GAA: variants seen among roughly 807,000 people sequenced by gnomAD.
GAA encodes the protein lysosomal alpha-glucosidase.
Under a neutral mutation model 103.9 loss-of-function variants are expected in GAA, and 88 were observed. The observed-to-expected ratio is 0.85, with a 90% CI of 0.71 to 1.01. The LOEUF is 1.01. GAA is among the 50% of genes least tolerant of loss of function. The pLI is 0.00. For synonymous variants in GAA, 572 were observed against 563.1 expected (o/e 1.02, Z -0.22); for missense variants, 1,350 against 1,305.3 (o/e 1.03, Z -0.53).
chr17:80,112,591 G>C lies in GAA; in HGVS notation c.1768G>C (p.Ala590Pro). 6.2e-7 allele frequency: 1 copy of C among 1,612,928 alleles called. No homozygotes were observed. Among genetic ancestry groups the C allele is most frequent in the Non-Finnish European group, 8.5e-7 (1 of 1,179,942 alleles). ...CCACCACCCCAGGGCGCTGGTGAAG[G>C]CTCGGGGGACACGCCCATTTGTGAT... is the stretch of plus-strand genomic sequence containing the variant. Reference protein sequence around the residue: ...AIASHRALVKARGTRPFVISR... With the variant: ...AIASHRALVKPRGTRPFVISR... The change falls in exon 13 of 20, where the codon GCT becomes CCT. Residue 590 changes from alanine to proline, a missense_variant. Ala to Pro is a conservative substitution (Grantham distance 27, BLOSUM62 -1). Transcript: ENST00000302262.
In GAA at chr17:80,110,928, G is replaced by A. The variant is rs111261964; in HGVS notation, c.1552-13G>A. The A allele has an allele frequency of 4.3e-3, 6,881 of 1,613,868 alleles. 20 individuals are homozygous for A. Among genetic ancestry groups the A allele is most frequent in the Non-Finnish European group, 5.3e-3 (6,215 of 1,179,918 alleles). ...CTGGGCAGAGTCACCTACCAGCAGC[G>A]CTTCTCTTGCAGGACATGAACGAGC... is the stretch of plus-strand genomic sequence containing the variant. On this transcript the variant is annotated splice_polypyrimidine_tract_variant and intron_variant, in intron 10 of 19. Transcript: ENST00000302262.
rs143659827 is a variant in GAA, at chr17:80,117,546, C to T, written c.2332-54C>T. The T allele has an allele frequency of 3.4e-4, 543 of 1,604,070 alleles. 2 individuals carry two copies. In the African/African-American group the frequency reaches 6.5e-3, roughly 19 times the overall value. ...AGATGGAGAGCGTGGTTCCTGAGGACAGCATGGGGGCCTCGGCACGGCCCA... is the reference window on the plus strand; with the variant it reads ...AGATGGAGAGCGTGGTTCCTGAGGATAGCATGGGGGCCTCGGCACGGCCCA... On this transcript the variant is annotated intron_variant, in intron 16 of 19. Transcript: ENST00000302262.
At chr17:80,112,418 G>A in intron 12 of GAA, 160 bp from the exon 13 acceptor site, 1 of 919,158 alleles carries the variant, frequency 1.1e-6, no homozygotes, top group Non-Finnish European at 1.7e-6. Flanking sequence ...CCAGACAGAG[G>A]CAACTGTGCC....
In GAA at chr17:80,105,900, T is replaced by A; in HGVS notation, c.692+6T>A. ...CAGCTGGACGGCCGCGTGCTGTGAG[T>A]TCTGGGCTCTGTGCCAGCATGATGG... On this transcript the variant is annotated splice_donor_region_variant and intron_variant, in intron 3 of 19. Transcript: ENST00000302262. The A allele has an allele frequency of 2.5e-6, 4 of 1,589,610 alleles. No individual in the cohort carries two copies. The highest frequency in any genetic ancestry group is 3.4e-6 in the Non-Finnish European group (4 of 1,170,994).
chr17:80,108,037 T>C (rs2039136820), intron 5 of GAA, 141 bp downstream of exon 5: 2 of 1,025,930 alleles, frequency 1.9e-6, no homozygotes, highest in Non-Finnish European at 2.9e-6. Flanking sequence ...GGCTGATGCC[T>C]CTCCCAACTC....
rs528106447 is a variant in GAA at position 80,104,331 on chromosome 17, C to T, written c.-32-224C>T. On this transcript the variant is annotated intron_variant, in intron 1 of 19. Coordinates refer to ENST00000302262, the MANE Select transcript of GAA (RefSeq NM_000152.5). The surrounding 1 kb of genome is among the most constrained non-coding windows in gnomAD (Gnocchi z 4.0). ...GCGTGTTTGATTTGTAACATTTTAG[C>T]AGACTGTGCAAGTGCTCTGCACTCC... Among the ~76,000 whole-genome samples the T allele has an allele frequency of 6.6e-6, 1 of 152,160 alleles. No homozygotes were observed. The highest frequency in any genetic ancestry group is 6.5e-5 in the Admixed American group (1 of 15,278).
rs1393386120 is a variant in GAA, at chr17:80,112,643, G to A, written c.1820G>A (p.Gly607Asp). 2 of 1,612,626 alleles carry A rather than the reference G, an allele frequency of 1.2e-6. No homozygotes were observed. Among genetic ancestry groups the A allele is most frequent in the African/African-American group, 1.3e-5 (1 of 74,924 alleles). The change falls in exon 13 of 20, where the codon GGC becomes GAC. Residue 607 changes from glycine (G) to aspartate (D), a missense_variant. Gly to Asp is a moderately conservative substitution (Grantham distance 94). Transcript: ENST00000302262. Reference protein sequence around the residue: ...VISRSTFAGHGRYAGHWTGDV... With the variant: ...VISRSTFAGHDRYAGHWTGDV... The stretch of plus-strand genomic sequence containing the variant: ...TCCCGCTCGACCTTTGCTGGCCACG[G>A]CCGATACGCCGGCCACTGGACGGGG...
chr17:80,108,613 T>C lies in GAA; in HGVS notation c.1194+6T>C, dbSNP rs1470004759. On this transcript the variant is annotated splice_donor_region_variant and intron_variant, in intron 7 of 19. Transcript: ENST00000302262. ...CCAGGGCCCACTTCCCCCTGGTGAGTTGGGGTGGTGGCAGGGGAGGCAAGG... is the reference window on the plus strand; with the variant it reads ...CCAGGGCCCACTTCCCCCTGGTGAGCTGGGGTGGTGGCAGGGGAGGCAAGG... 6.2e-7 allele frequency: 1 copy of C among 1,612,494 alleles called. No homozygotes were observed. The highest frequency in any genetic ancestry group is 1.7e-5 in the Admixed American group (1 of 59,968).
At chr17:80,117,201 G>A (rs1305763473) in intron 16 of GAA, 92 bp downstream of exon 16, 33 of 1,391,126 alleles carry the variant, frequency 2.4e-5, no homozygotes, top group Admixed American at 8.7e-5. Flanking sequence ...ACCAGGTGGC[G>A]GAAAGAGGAA....
chr17:80,117,052 CG>C lies in GAA; in HGVS notation c.2277del (p.Lys760ArgfsTer4). On this transcript the variant is annotated frameshift_variant, in exon 16 of 20. Coordinates refer to ENST00000302262, the MANE Select transcript of GAA (RefSeq NM_000152.5). LOFTEE classifies it high-confidence loss of function. ...TGCTCATCACCCCAGTGCTCCAGGC[CG>C]GGAAGGCCGAAGTGACTGGCTACTT... ...ALLITPVLQA[G>X]KAEVTGYFPL... 1 of 1,613,548 alleles carries C rather than the reference CG, an allele frequency of 6.2e-7. No homozygotes were observed. Among genetic ancestry groups the C allele is most frequent in the Non-Finnish European group, 8.5e-7 (1 of 1,180,014 alleles).
In GAA at chr17:80,105,827, T is replaced by C. The variant is rs930808379; in HGVS notation, c.625T>C (p.Tyr209His). Residue 209 changes from tyrosine (Y) to histidine (H), a missense_variant, in exon 3 of 20, where the codon TAC becomes CAC. Coordinates refer to ENST00000302262, the MANE Select transcript of GAA (RefSeq NM_000152.5). ...HVHSRAPSPL[Y>H]SVEFSEEPFG... ...CCACAGCCGGGCACCGTCCCCACTCTACAGCGTGGAGTTCTCCGAGGAGCC... is the reference window on the plus strand; with the variant it reads ...CCACAGCCGGGCACCGTCCCCACTCCACAGCGTGGAGTTCTCCGAGGAGCC... 1.4e-5 allele frequency: 23 copies of C among 1,610,102 alleles called. No homozygotes were observed. Among genetic ancestry groups the C allele is most frequent in the Non-Finnish European group, 1.9e-5 (22 of 1,179,954 alleles).
At position 80,109,940 on chromosome 17, in the gene GAA, C is replaced by T; in HGVS notation, c.1327-5C>T. The T allele has an allele frequency of 1.2e-6, 2 of 1,612,226 alleles. No homozygotes were observed. On this transcript the variant is annotated splice_polypyrimidine_tract_variant and splice_region_variant and intron_variant, in intron 8 of 19. Coordinates refer to ENST00000302262, the MANE Select transcript of GAA (RefSeq NM_000152.5). ...CCTCACCTTGACAGGTTTCCCTCTT[C>T]CCAGGATCCTGCCATCAGCAGCTCG...
At chr17:80,117,491 GCCT>G (rs1401186610) in intron 16 of GAA, 106 bp from the exon 17 acceptor site, 90 of 1,306,716 alleles carry the variant, frequency 6.9e-5, no homozygotes, top group Non-Finnish European at 7.6e-5. Context: ...TCTGTGCCAG[GCCT>G]CCTAGGCCTC....
At chr17:80,101,912 C>T (rs1441874500) in intron 1 of GAA, 22 bp downstream of exon 1, 1 of 152,418 alleles carries the variant, frequency 6.6e-6, no homozygotes, top group South Asian at 2.1e-4. Context: ...GACGTCTGCC[C>T]CGCGCTGCCG....
At chr17:80,108,650 A>G (rs1223913085) in intron 7 of GAA, 43 bp downstream of exon 7, 5 of 1,612,288 alleles carry the variant, frequency 3.1e-6, no homozygotes, top group Non-Finnish European at 4.2e-6. Flanking sequence ...GCTGGCCGGG[A>G]CGCGTCTCCT....
At chr17:80,108,044 A>T (rs182680067) in intron 5 of GAA, 148 bp downstream of exon 5, 2 of 1,027,800 alleles carry the variant, frequency 1.9e-6, no homozygotes, top group Non-Finnish European at 2.9e-6. Flanking sequence ...GCCTCTCCCA[A>T]CTCTGGCCTT....
At chr17:80,102,640 C>T (rs2038981484) in intron 1 of GAA, 1 of 152,242 alleles carries the variant, frequency 6.6e-6, no homozygotes, top group South Asian at 2.1e-4. Context: ...GAGAGCACAG[C>T]ATCACTGCCC....
chr17:80,105,424 C>G (rs184589891), intron 2 of GAA, among the ~76,000 whole-genome samples: 58 of 152,300 alleles, frequency 3.8e-4, no homozygotes, highest in African/African-American at 1.4e-3. Flanking sequence ...CCAGTAAACC[C>G]GAATTGCAGA....
Position 80,112,011 on chromosome 17 carries a change from C to T in GAA, c.1665C>T (p.Ala555=). The T allele has an allele frequency of 6.2e-7, 1 of 1,613,942 alleles. No individual in the cohort carries two copies. The highest frequency in any genetic ancestry group is 8.5e-7 in the Non-Finnish European group (1 of 1,179,934). ...PGVVGGTLQA[A]TICASSHQFL... is the part of the protein sequence containing the mutation. ...TGGTTGGGGGGACCCTCCAGGCGGCCACCATCTGTGCCTCCAGCCACCAGT... is the reference window on the plus strand; with the variant it reads ...TGGTTGGGGGGACCCTCCAGGCGGCTACCATCTGTGCCTCCAGCCACCAGT... Residue 555 remains alanine, a synonymous_variant, in exon 12 of 20, where the codon GCC becomes GCT. Coordinates refer to ENST00000302262, the MANE Select transcript of GAA (RefSeq NM_000152.5).
Sources: allele counts gnomAD v4.1 joint callset (sites outside exome capture counted in the v4.1 genomes callset), GRCh38; gene constraint gnomAD v4.1.1; non-coding constraint Gnocchi (gnomAD v3.1); transcripts MANE v1.5; gene names NCBI Gene and HGNC (gene_info 2026-07-23, HGNC 2026-07-21).